The following ENOX1 variants were observed in gnomAD, a reference collection of about 807,000 sequenced individuals.
The protein encoded by ENOX1 is ecto-NOX disulfide-thiol exchanger 1, also known as candidate growth-related and time keeping constitutive hydroquinone (NADH) oxidase.
Under a neutral mutation model 82.5 loss-of-function variants are expected in ENOX1, and 42 were observed. The ratio of observed to expected loss-of-function variants is 0.51; its 90% CI spans 0.40 to 0.66. The LOEUF (loss-of-function observed/expected upper bound fraction) is 0.66, where lower values mean the gene tolerates loss of function less well. Ranked by LOEUF, ENOX1 falls within the 30% of genes least tolerant of loss-of-function variation. ENOX1 has a pLI of 0.00. For missense variants in ENOX1, 608 were observed against 811.6 expected, an observed-to-expected ratio of 0.75 and a Z score of 3.05; for synonymous variants, 271 against 282.2, an observed-to-expected ratio of 0.96 and a Z score of 0.40.
chr13:43,378,984 G>A (rs75529741), intron 5 of ENOX1, among the ~76,000 whole-genome samples: 1,797 of 152,244 alleles, frequency 0.012, 29 homozygotes, highest in African/African-American at 0.04. Flanking sequence ...AGAGAAGGTT[G>A]GAGTAATTTG....
At chr13:43,541,530 T>C (rs1332651515) in intron 2 of ENOX1, among the ~76,000 whole-genome samples, 1 of 152,006 alleles carries the variant, frequency 6.6e-6, no homozygotes, top group Non-Finnish European at 1.5e-5. Context: ...CGATTTCCAA[T>C]AAAACTGAAC....
At chr13:43,750,122 C>T (rs1470420019) in intron 1 of ENOX1, among the ~76,000 whole-genome samples, 1 of 152,132 alleles carries the variant, frequency 6.6e-6, no homozygotes, top group Non-Finnish European at 1.5e-5. Flanking sequence ...ACACAGAGGT[C>T]TCCCTTGGAG....
chr13:43,350,253 G>A (rs889440834), intron 8 of ENOX1, among the ~76,000 whole-genome samples: 1 of 152,110 alleles, frequency 6.6e-6, no homozygotes, highest in Non-Finnish European at 1.5e-5. Flanking sequence ...TAAAATCATT[G>A]GCACATGTTC....
Position 43,360,071 on chromosome 13 carries a change from C to T in ENOX1, c.383-14G>A, listed in dbSNP as rs1354232680. ...GAGGTGGAAGATCTAATAATCACAA[C>T]AAAACAGAAAGTTTTATCTTTCATT... On this transcript the variant is annotated splice_polypyrimidine_tract_variant and intron_variant, in intron 6 of 16. Transcript: ENST00000690772. The T allele has an allele frequency of 6.2e-7, 1 of 1,611,686 alleles. No homozygotes were observed. The highest frequency in any genetic ancestry group is 8.5e-7 in the Non-Finnish European group (1 of 1,178,048).
chr13:43,785,151 T>C (rs367612470), intron 1 of ENOX1, among the ~76,000 whole-genome samples: 1 of 152,346 alleles, frequency 6.6e-6, no homozygotes, highest in African/African-American at 2.4e-5. Flanking sequence ...ATTACATGAA[T>C]AGACATTATT....
rs578146272 is a variant in ENOX1 at position 43,496,391 on chromosome 13, T to G, written c.-218-12239A>C. ...CAATTGGCTCTTTTTCTTTTTCTAT[T>G]TTTTTTTTTAAGAGACTGTGTCTTA... is the stretch of plus-strand genomic sequence containing the variant. On this transcript the variant is annotated intron_variant, in intron 2 of 16. Transcript: ENST00000690772. Among the ~76,000 whole-genome samples the G allele has an allele frequency of 2.2e-4, 33 of 149,432 alleles. No homozygotes were observed. In the East Asian group the frequency reaches 6.4e-3, roughly 29 times the overall value.
chr13:43,574,662 A>G (rs1248088821), intron 2 of ENOX1, among the ~76,000 whole-genome samples: 1 of 152,246 alleles, frequency 6.6e-6, no homozygotes, highest in East Asian at 1.9e-4. Context: ...TGACTAAAAC[A>G]TACCACTTTT....
chr13:43,286,029 G>A (rs886660456), intron 12 of ENOX1, among the ~76,000 whole-genome samples: 1 of 152,072 alleles, frequency 6.6e-6, no homozygotes, highest in African/African-American at 2.4e-5. Flanking sequence ...CCCCAACTGC[G>A]GCCGGAGTTG....
At chr13:43,740,860 C>G (rs1037833045) in intron 1 of ENOX1, among the ~76,000 whole-genome samples, 2 of 152,166 alleles carry the variant, frequency 1.3e-5, no homozygotes, top group African/African-American at 4.8e-5. Flanking sequence ...CATTGTCTAG[C>G]TATATCACAT....
intron 3 of ENOX1, among the ~76,000 whole-genome samples, chr13:43,481,215 A>G (rs1475197): frequency 0.37 from 55,604 of 151,944 alleles, 12,114 homozygotes; most frequent in Non-Finnish European, 0.5. Flanking sequence ...CAAACTCTCT[A>G]TATATTATAT....
chr13:43,766,572 T>G lies in ENOX1; in HGVS notation c.-285+20080A>C, dbSNP rs180986261. ...TAGCTCAACTGTAGAAAGGTAAACT[T>G]TGGAGCACTGAAGTCTAAAAATGTA... On this transcript the variant is annotated intron_variant, in intron 1 of 16. Transcript: ENST00000690772. 1.9e-3 allele frequency among the ~76,000 whole-genome samples: 282 copies of G among 152,222 alleles called. 1 individual carries two copies. Among genetic ancestry groups the G allele is most frequent in the African/African-American group, 6.4e-3 (264 of 41,546 alleles).
chr13:43,692,730 G>GT (rs1385437593), intron 1 of ENOX1, among the ~76,000 whole-genome samples: 5 of 152,046 alleles, frequency 3.3e-5, no homozygotes, highest in Non-Finnish European at 5.9e-5. Flanking sequence ...AATTTTACAT[G>GT]TTTTGTATAA....
At position 43,411,998 on chromosome 13, in the gene ENOX1, C is replaced by T; in HGVS notation, c.126G>A (p.Val42=). The change falls in exon 5 of 17, where the codon GTG becomes GTA. Residue 42 remains valine (V), a synonymous_variant. Transcript: ENST00000690772. ...AIDTTQLNMS[V]TDPTAWATAM... is the part of the protein sequence containing the mutation. Reference sequence around the variant, plus strand: ...CTGTAGCCCAGGCTGTGGGATCTGTCACGGACATGTTGAGCTGGGTCGTGT... The same window carrying T: ...CTGTAGCCCAGGCTGTGGGATCTGTTACGGACATGTTGAGCTGGGTCGTGT... 2 of 1,614,182 alleles carry T rather than the reference C, an allele frequency of 1.2e-6. No individual in the cohort carries two copies. The highest frequency in any genetic ancestry group is 2.2e-5 in the South Asian group (2 of 91,082).
intron 1 of ENOX1, among the ~76,000 whole-genome samples, chr13:43,672,023 T>G (rs1399263398): frequency 6.6e-6 from 1 of 152,216 alleles, no homozygotes; most frequent in Non-Finnish European, 1.5e-5. Flanking sequence ...TTTTTACCAT[T>G]CATACCATTG....
At chr13:43,403,486 A>G (rs946748516) in intron 5 of ENOX1, among the ~76,000 whole-genome samples, 3 of 152,238 alleles carry the variant, frequency 2.0e-5, no homozygotes, top group African/African-American at 7.2e-5. Context: ...TATATAGTAC[A>G]TGGGATAGGC....
At chr13:43,292,683 C>T (rs193286418) in intron 12 of ENOX1, among the ~76,000 whole-genome samples, 29 of 152,154 alleles carry the variant, frequency 1.9e-4, no homozygotes, top group African/African-American at 6.5e-4. Context: ...TTCCCTAAAG[C>T]TTTCTAATCA....
At chr13:43,293,312 C>A (rs1002356348) in intron 12 of ENOX1, among the ~76,000 whole-genome samples, 4 of 152,034 alleles carry the variant, frequency 2.6e-5, no homozygotes, top group African/African-American at 7.2e-5. Flanking sequence ...ACAGCCAGCA[C>A]CCCCACCACG....
chr13:43,543,622 A>C (rs1237931653), intron 2 of ENOX1, among the ~76,000 whole-genome samples: 2 of 151,478 alleles, frequency 1.3e-5, no homozygotes, highest in African/African-American at 4.9e-5. Context: ...CCTTTAGAAC[A>C]AAATAGTAAG....
At chr13:43,737,882 T>C (rs576510241) in intron 1 of ENOX1, among the ~76,000 whole-genome samples, 1 of 152,162 alleles carries the variant, frequency 6.6e-6, no homozygotes, top group Non-Finnish European at 1.5e-5. Context: ...TAATGTGGTG[T>C]CTAATTCTTA....
Sources: gnomAD v4.1 joint callset for allele counts (sites outside exome capture counted in the v4.1 genomes callset) on GRCh38, gnomAD v4.1.1 for gene constraint, MANE v1.5 for transcripts, NCBI Gene and HGNC (gene_info 2026-07-23, HGNC 2026-07-21) for gene names.